NUTF2: variants seen among roughly 807,000 people sequenced by gnomAD.
NUTF2 encodes nuclear transport factor 2.
A neutral mutation model predicts 18.5 loss-of-function variants in NUTF2; 3 were observed. That is an observed-to-expected ratio of 0.16 (90% CI 0.07 to 0.42). The LOEUF (loss-of-function observed/expected upper bound fraction) is 0.42, where lower values mean the gene tolerates loss of function less well. NUTF2 is among the 10% of genes least tolerant of loss of function. The probability of loss-of-function intolerance (pLI) is 0.99; values close to 1 mark genes in which losing one functional copy is unlikely to be tolerated. For missense variants in NUTF2, 44 were observed against 160.7 expected (o/e 0.27, Z 3.93); for synonymous variants, 51 against 57.9 (o/e 0.88, Z 0.54).
At chr16:67,867,761 G>A (rs1273377349) in intron 2 of NUTF2, among the ~76,000 whole-genome samples, 3 of 152,004 alleles carry the variant, frequency 2.0e-5, no homozygotes, top group Non-Finnish European at 2.9e-5. Context: ...ATTTCGGCTC[G>A]CTACAAACCG....
chr16:67,851,580 A>G (rs1227545180), intron 1 of NUTF2, among the ~76,000 whole-genome samples: 1 of 152,132 alleles, frequency 6.6e-6, no homozygotes, highest in Non-Finnish European at 1.5e-5. Flanking sequence ...ATATGTATAC[A>G]TAACGCCATG....
intron 1 of NUTF2, among the ~76,000 whole-genome samples, chr16:67,860,561 A>G (rs2057928721): frequency 6.6e-6 from 1 of 152,230 alleles, no homozygotes; most frequent in South Asian, 2.1e-4. Context: ...GTGAGCTACT[A>G]TGCCCAGCCT....
At position 67,870,876 on chromosome 16, in the gene NUTF2, A is replaced by G; in HGVS notation, c.347A>G (p.Asn116Ser). ...KNINDAWVCT[N>S]DMFRLALHNF... The stretch of plus-strand genomic sequence containing the variant: ...ATCAACGATGCTTGGGTTTGCACCA[A>G]TGACATGTTCAGGCTCGCCCTGCAC... Residue 116 changes from asparagine (N) to serine (S), a missense_variant, in exon 5 of 5, where the codon AAT (asparagine) becomes AGT (serine). Asn to Ser is a conservative substitution (Grantham distance 46). Coordinates refer to ENST00000219169, the MANE Select transcript of NUTF2 (RefSeq NM_005796.3). 6.2e-7 allele frequency: 1 copy of G among 1,613,994 alleles called. No individual in the cohort carries two copies. Among genetic ancestry groups the G allele is most frequent in the Non-Finnish European group, 8.5e-7 (1 of 1,179,866 alleles).
In NUTF2 at chr16:67,865,181, T is replaced by TA; in HGVS notation, c.51_52insA (p.Tyr18IlefsTer6). 6.2e-7 allele frequency: 1 copy of TA among 1,613,260 alleles called. No homozygotes were observed. The highest frequency in any genetic ancestry group is 8.5e-7 in the Non-Finnish European group (1 of 1,179,680). On this transcript the variant is annotated frameshift_variant, in exon 2 of 5. Transcript: ENST00000219169. LOFTEE classifies it high-confidence loss of function. ...AGATTGGATCCAGCTTCATTCAACA[T>TA]TACTACCAGTTATTTGATAATGATA... is the stretch of plus-strand genomic sequence containing the variant.
rs976685019 is a variant in NUTF2 at position 67,872,469 on chromosome 16, A to T, written c.*1556A>T. Reference sequence around the variant, plus strand: ...GGGGAAGTGGGGGTGGGGAAGAGGTAGGTGCCTGCTGCCTCAAACCACCTT... The same window carrying T: ...GGGGAAGTGGGGGTGGGGAAGAGGTTGGTGCCTGCTGCCTCAAACCACCTT... On this transcript the variant is annotated 3_prime_UTR_variant, in exon 5 of 5. Transcript: ENST00000219169. The T allele has an allele frequency of 2.6e-5, 4 of 152,348 alleles. No homozygotes were observed. The highest frequency in any genetic ancestry group is 5.9e-5 in the Non-Finnish European group (4 of 68,174). 9.4% of individuals were successfully genotyped at this position (152,348 alleles called of 1,614,324 possible). A position where few individuals can be genotyped will look rare whatever the true frequency, so the allele number is the denominator to read the frequency against.
intron 2 of NUTF2, among the ~76,000 whole-genome samples, chr16:67,866,268 T>C (rs552745682): frequency 6.6e-6 from 1 of 152,226 alleles, no homozygotes; most frequent in South Asian, 2.1e-4. Context: ...GGAAGACCAA[T>C]TCCAGCACAG....
At chr16:67,862,247 AG>A (rs2057939686) in intron 1 of NUTF2, among the ~76,000 whole-genome samples, 1 of 152,220 alleles carries the variant, frequency 6.6e-6, no homozygotes, top group African/African-American at 2.4e-5. Context: ...CTGATGTACC[AG>A]GTGAGCTTAG....
chr16:67,850,757 A>G (rs1301818523), intron 1 of NUTF2, among the ~76,000 whole-genome samples: 1 of 152,062 alleles, frequency 6.6e-6, no homozygotes. Context: ...TCAGTTCTCA[A>G]TTAGCTCAAA....
intron 2 of NUTF2, among the ~76,000 whole-genome samples, chr16:67,865,697 T>G (rs1026649347): frequency 1.3e-5 from 2 of 151,724 alleles, no homozygotes; most frequent in Non-Finnish European, 2.9e-5. Context: ...CAAACCCTTC[T>G]ATGCAGGCAT....
At chr16:67,851,792 G>A (rs1205240172) in intron 1 of NUTF2, among the ~76,000 whole-genome samples, 2 of 152,060 alleles carry the variant, frequency 1.3e-5, no homozygotes, top group African/African-American at 4.8e-5. Context: ...GAGGTGGGTG[G>A]ATTACTTGAG....
chr16:67,850,273 C>T (rs1449985008), intron 1 of NUTF2, among the ~76,000 whole-genome samples: 1 of 150,362 alleles, frequency 6.7e-6, no homozygotes, highest in South Asian at 2.1e-4. Context: ...GGCGCGATCT[C>T]GGCTCACTGC....
rs534119316 is a variant in NUTF2, at chr16:67,851,643, G to A, written c.-30+4658G>A. On this transcript the variant is annotated intron_variant, in intron 1 of 4. Transcript: ENST00000219169. ...ATTTACATTAGGTGTATCTCCTAATGCTATCCCTCCCCGCTACCCCCGCCC... is the reference window on the plus strand; with the variant it reads ...ATTTACATTAGGTGTATCTCCTAATACTATCCCTCCCCGCTACCCCCGCCC... 2.6e-5 allele frequency among the ~76,000 whole-genome samples: 4 copies of A among 152,164 alleles called. No individual in the cohort carries two copies. The South Asian group carries it at 6.2e-4, about 24-fold the overall frequency.
At chr16:67,867,566 G>A (rs762545900) in intron 2 of NUTF2, among the ~76,000 whole-genome samples, 1 of 152,104 alleles carries the variant, frequency 6.6e-6, no homozygotes, top group Non-Finnish European at 1.5e-5. Context: ...GCCTTGGAAG[G>A]CCCTGTCAGC....
chr16:67,849,928 G>T (rs2057840491), intron 1 of NUTF2, among the ~76,000 whole-genome samples: 1 of 152,164 alleles, frequency 6.6e-6, no homozygotes, highest in African/African-American at 2.4e-5. Flanking sequence ...AAAGTGCCGG[G>T]ATTCCAGGCG....
chr16:67,850,205 C>CTTTTTTTTTT (rs768001106), intron 1 of NUTF2, among the ~76,000 whole-genome samples: 2 of 149,732 alleles, frequency 1.3e-5, no homozygotes, highest in Non-Finnish European at 1.5e-5. Flanking sequence ...TTCCCTGTAA[C>CTTTTTTTTTT]TTCTTTTTTT....
At chr16:67,851,875 G>A (rs540381951) in intron 1 of NUTF2, among the ~76,000 whole-genome samples, 1 of 152,140 alleles carries the variant, frequency 6.6e-6, no homozygotes, top group South Asian at 2.1e-4. Context: ...AATTAGCTGA[G>A]CGTGGTGGTG....
rs2057990601 is a variant in NUTF2 at position 67,868,603 on chromosome 16, A to G, written c.270+4A>G. 1 of 1,612,998 alleles carries G rather than the reference A, an allele frequency of 6.2e-7. No individual in the cohort carries two copies. The highest frequency in any genetic ancestry group is 1.3e-5 in the African/African-American group (1 of 74,860). Reference sequence around the variant, plus strand: ...CATGGTTGTGGGCCAGCTTAAGGTAATGGTACTGCCACAGTGGTAGGGAGG... The same window carrying G: ...CATGGTTGTGGGCCAGCTTAAGGTAGTGGTACTGCCACAGTGGTAGGGAGG... On this transcript the variant is annotated splice_donor_region_variant and intron_variant, in intron 4 of 4. Coordinates refer to ENST00000219169, the MANE Select transcript of NUTF2 (RefSeq NM_005796.3).
Position 67,869,523 on chromosome 16 carries a change from C to T in NUTF2, c.270+924C>T, listed in dbSNP as rs193036232. Among the ~76,000 whole-genome samples the T allele has an allele frequency of 5.3e-5, 8 of 151,748 alleles. No homozygotes were observed. In the East Asian group the frequency reaches 9.8e-4, roughly 19 times the overall value. On this transcript the variant is annotated intron_variant, in intron 4 of 4. Coordinates refer to ENST00000219169, the MANE Select transcript of NUTF2 (RefSeq NM_005796.3). ...ATTCTGGGCTGGGCGCGGTGGCTCA[C>T]GCCTGTAATCCCAGCACTTTGGGAG...
chr16:67,864,010 G>C (rs1255988987), intron 1 of NUTF2, among the ~76,000 whole-genome samples: 1 of 152,150 alleles, frequency 6.6e-6, no homozygotes, highest in South Asian at 2.1e-4. Flanking sequence ...GGGATGACAC[G>C]TTTCCCTTCA....
Sources: gnomAD v4.1 joint callset for allele counts (sites outside exome capture counted in the v4.1 genomes callset) on GRCh38, gnomAD v4.1.1 for gene constraint, MANE v1.5 for transcripts, NCBI Gene and HGNC (gene_info 2026-07-23, HGNC 2026-07-21) for gene names.